Variants in TMEM182 observed in about 807,000 individuals in gnomAD.
TMEM182 encodes the protein transmembrane protein 182.
TMEM182 carries 20 observed loss-of-function variants against 26.8 expected under a neutral mutation model. The observed-to-expected ratio is 0.75, with a 90% CI of 0.53 to 1.09. The LOEUF (loss-of-function observed/expected upper bound fraction) is 1.09. Ranked by LOEUF, TMEM182 falls within the 50% of genes least tolerant of loss-of-function variation. The probability of loss-of-function intolerance (pLI) is 0.00; values close to 1 mark genes in which losing one functional copy is unlikely to be tolerated. For synonymous variants in TMEM182, 109 were observed against 102.2 expected (o/e 1.07, Z -0.40); for missense variants, 277 against 275.5 (o/e 1.01, Z -0.04).
chr2:102,796,929 A>G (rs918120150), intron 3 of TMEM182, among the ~76,000 whole-genome samples: 2 of 152,248 alleles, frequency 1.3e-5, no homozygotes, highest in Non-Finnish European at 2.9e-5. Context: ...TTCTTAAAAT[A>G]TAACTTGACT....
chr2:102,737,084 C>T (rs1257478583), intron 1 of TMEM182: 2 of 444,940 alleles, frequency 4.5e-6, no homozygotes, highest in South Asian at 3.4e-5. Context: ...CCCTGCTGCC[C>T]CTATCGTTGG....
At chr2:102,813,945 T>G (rs2104757004) in intron 4 of TMEM182, among the ~76,000 whole-genome samples, 1 of 152,078 alleles carries the variant, frequency 6.6e-6, no homozygotes, top group South Asian at 2.1e-4. Context: ...TCATTCTCTC[T>G]CTTTCTTTTT....
chr2:102,791,300 AG>A (rs1681625331), intron 3 of TMEM182, among the ~76,000 whole-genome samples: 1 of 152,218 alleles, frequency 6.6e-6, no homozygotes, highest in Non-Finnish European at 1.5e-5. Flanking sequence ...TTATGTATAA[AG>A]GGAAATGTTA....
At chr2:102,827,138 AC>A (rs1161223677) in intron 3 of TMEM182, among the ~76,000 whole-genome samples, 1 of 152,232 alleles carries the variant, frequency 6.6e-6, no homozygotes, top group Non-Finnish European at 1.5e-5. Flanking sequence ...AGATCATGTT[AC>A]AGTGCAGCAT....
downstream of TMEM182, among the ~76,000 whole-genome samples, chr2:102,817,851 A>G (rs1312645187): frequency 6.6e-6 from 1 of 152,206 alleles, no homozygotes; most frequent in African/African-American, 2.4e-5. Context: ...AAGTTAAAAA[A>G]AAATCAGTTA....
chr2:102,818,745 CCTAT>C (rs71378191), downstream of TMEM182, among the ~76,000 whole-genome samples: 2,187 of 136,482 alleles, frequency 0.016, 26 homozygotes, highest in East Asian at 0.049. Context: ...TCTATTTAAT[CCTAT>C]CTATCTATCT....
intron 3 of TMEM182, among the ~76,000 whole-genome samples, chr2:102,839,470 T>TAA (rs1553446282): frequency 2.1e-4 from 30 of 140,374 alleles, no homozygotes; most frequent in Admixed American, 1.1e-3. Flanking sequence ...TATATATATA[T>TAA]AATATATACA....
chr2:102,752,452 C>T (rs1423270785), intron 1 of TMEM182, among the ~76,000 whole-genome samples: 2 of 152,162 alleles, frequency 1.3e-5, no homozygotes, highest in Non-Finnish European at 2.9e-5. Flanking sequence ...CTGAGCAGAA[C>T]GTGAGGAGAG....
In TMEM182 at chr2:102,743,243, C is replaced by T. The variant is rs1033206898; in HGVS notation, c.-83+6230C>T. The stretch of plus-strand genomic sequence containing the variant: ...TCTTAAATTAGTTGTAAATGTATAT[C>T]GCAAACTCTAGGGCAACCACAAAAT... On this transcript the variant is annotated intron_variant, in intron 1 of 5. Coordinates refer to the TMEM182 transcript ENST00000409173. 4.6e-5 allele frequency among the ~76,000 whole-genome samples: 7 copies of T among 152,042 alleles called. No homozygotes were observed. The East Asian group carries it at 7.7e-4, about 17-fold the overall frequency.
upstream of TMEM182, chr2:102,758,549 C>T (rs544391801): frequency 1.4e-6 from 1 of 712,686 alleles, no homozygotes; most frequent in East Asian, 2.7e-5. Flanking sequence ...AACATCTGTA[C>T]AGGAAACATG....
chr2:102,758,423 G>A (rs573261016), upstream of TMEM182: 1 of 716,002 alleles, frequency 1.4e-6, no homozygotes, highest in South Asian at 1.5e-5. Flanking sequence ...TCAAGTGACA[G>A]GCAAATGTCC....
At chr2:102,836,593 G>A (rs112626450) in intron 3 of TMEM182, among the ~76,000 whole-genome samples, 15 of 152,322 alleles carry the variant, frequency 9.8e-5, no homozygotes, top group African/African-American at 3.6e-4. Flanking sequence ...CAAGTTTAAA[G>A]AGGCTGCATA....
chr2:102,763,997 G>T (rs1680320235), intron 2 of TMEM182, among the ~76,000 whole-genome samples: 1 of 152,112 alleles, frequency 6.6e-6, no homozygotes, highest in Admixed American at 6.6e-5. Flanking sequence ...CCTACTGTGT[G>T]CTAGACACTG....
In TMEM182 at chr2:102,762,167, T is replaced by G; in HGVS notation, c.-51T>G. The G allele has an allele frequency of 6.9e-7, 1 of 1,450,384 alleles. No homozygotes were observed. The allele number at this position is 1,450,384 out of a possible 1,614,324, so 89.8% of individuals were successfully genotyped here. ...GTTGTTTCTGAGAAACTAGGTGTCT[T>G]ACCATTTTAAAATTTCATATTTTAT... On this transcript the variant is annotated 5_prime_UTR_variant, in exon 1 of 5. Transcript: ENST00000412401.
rs887595790 is a variant in TMEM182 at position 102,817,195 on chromosome 2, A to G, written c.*2227A>G. 1.0e-6 allele frequency: 1 copy of G among 985,238 alleles called. No individual in the cohort carries two copies. Among genetic ancestry groups the G allele is most frequent in the Admixed American group, 6.1e-5 (1 of 16,274 alleles). The allele number at this position is 985,238 out of a possible 1,614,324, so 61.0% of individuals were successfully genotyped here. On this transcript the variant is annotated 3_prime_UTR_variant, in exon 5 of 5. Coordinates refer to ENST00000412401, the MANE Select transcript of TMEM182 (RefSeq NM_144632.5). Reference sequence around the variant, plus strand: ...TAGTACATTATTGTAGCAACCTTATATCTGATTTGAGATACTGTGTTGCCA... The same window carrying G: ...TAGTACATTATTGTAGCAACCTTATGTCTGATTTGAGATACTGTGTTGCCA...
chr2:102,799,569 G>T (rs1682023141), intron 4 of TMEM182, among the ~76,000 whole-genome samples: 1 of 152,220 alleles, frequency 6.6e-6, no homozygotes, highest in Non-Finnish European at 1.5e-5. Flanking sequence ...CAGCTGTGTA[G>T]AAATATGATT....
chr2:102,843,307 G>A (rs1443480269), intron 3 of TMEM182: 1 of 152,208 alleles, frequency 6.6e-6, no homozygotes, highest in East Asian at 1.9e-4. Context: ...ATCTGCTCAT[G>A]ACACAGTTCC....
At position 102,801,818 on chromosome 2, in the gene TMEM182, G is replaced by A. The variant is rs1399816454; in HGVS notation, c.469+3818G>A. Among the ~76,000 whole-genome samples the A allele has an allele frequency of 2.6e-5, 4 of 152,316 alleles. No individual in the cohort carries two copies. The Middle Eastern group carries it at 0.01, about 389-fold the overall frequency. On this transcript the variant is annotated intron_variant, in intron 4 of 4. Coordinates refer to ENST00000412401, the MANE Select transcript of TMEM182 (RefSeq NM_144632.5). The stretch of plus-strand genomic sequence containing the variant: ...AAGGCTTTTCCTGGGTCTGGGCTAT[G>A]CCTGTTGCTGCCTCTGGGATAAGTC...
chr2:102,784,209 C>A (rs1014567627), intron 3 of TMEM182, among the ~76,000 whole-genome samples: 2 of 152,196 alleles, frequency 1.3e-5, no homozygotes, highest in African/African-American at 4.8e-5. Flanking sequence ...TTGATCATGT[C>A]AATTTCCCCA....
Sources: allele counts gnomAD v4.1 joint callset (sites outside exome capture counted in the v4.1 genomes callset), GRCh38; gene constraint gnomAD v4.1.1; transcripts MANE v1.5; gene names NCBI Gene and HGNC (gene_info 2026-07-23, HGNC 2026-07-21).